Variants in SAMMSON observed in about 807,000 individuals in gnomAD.
The protein encoded by SAMMSON is survival associated mitochondrial melanoma specific oncogenic non-coding RNA.
chr3:70,154,480 T>TC (rs2067584161), intron 4 of SAMMSON, among the ~76,000 whole-genome samples: 1 of 151,960 alleles, frequency 6.6e-6, no homozygotes, highest in South Asian at 2.1e-4. Flanking sequence ...CATGTACCCC[T>TC]CCCACTAACA....
At chr3:70,199,719 T>G (rs1019105938) in intron 4 of SAMMSON, among the ~76,000 whole-genome samples, 1 of 152,180 alleles carries the variant, frequency 6.6e-6, no homozygotes, top group Non-Finnish European at 1.5e-5. Flanking sequence ...GAGCGTTGGA[T>G]TTCCTCTTGT....
downstream of SAMMSON, among the ~76,000 whole-genome samples, chr3:70,390,433 T>G (rs1308857817): frequency 6.6e-6 from 1 of 152,126 alleles, no homozygotes; most frequent in Non-Finnish European, 1.5e-5. Flanking sequence ...AATTGGCTCA[T>G]GGTTCTGCAG....
At chr3:70,401,643 T>C (rs982823223) in intron 2 of SAMMSON, among the ~76,000 whole-genome samples, 1 of 151,688 alleles carries the variant, frequency 6.6e-6, no homozygotes, top group Non-Finnish European at 1.5e-5. Flanking sequence ...TTTTCACTTT[T>C]TGCAATTCAA....
chr3:70,313,093 A>G (rs930011893), intron 7 of SAMMSON, among the ~76,000 whole-genome samples: 2 of 152,100 alleles, frequency 1.3e-5, no homozygotes, highest in Non-Finnish European at 2.9e-5. Flanking sequence ...GTTTTTTTTG[A>G]TCATCTGTAG....
intron 2 of SAMMSON, among the ~76,000 whole-genome samples, chr3:70,406,188 A>G (rs545600230): frequency 6.6e-6 from 1 of 152,336 alleles, no homozygotes; most frequent in Non-Finnish European, 1.5e-5. Flanking sequence ...TGTCATTTAA[A>G]ATAAACAAAT....
In SAMMSON at chr3:70,022,744, G is replaced by T. The variant is rs9814289; in HGVS notation, n.417+9072G>T. ...AATTCACTGATTCTCATCAAGTTTG[G>T]TGCACAGCTAAAGGGCCTAAGCCCT... On this transcript the variant is annotated intron_variant and non_coding_transcript_variant, in intron 3 of 9. Coordinates refer to ENST00000642114, the Ensembl canonical transcript of SAMMSON. Among the ~76,000 whole-genome samples, 764 of 152,258 alleles carry T rather than the reference G, an allele frequency of 5.0e-3. 4 individuals are homozygous for T. The highest frequency in any genetic ancestry group is 0.017 in the African/African-American group (720 of 41,562).
chr3:70,160,253 C>T (rs999741352), intron 4 of SAMMSON, among the ~76,000 whole-genome samples: 7 of 150,252 alleles, frequency 4.7e-5, no homozygotes, highest in South Asian at 2.1e-4. Context: ...TTTCTGTTTT[C>T]TTCTATAAGT....
chr3:70,002,705 T>G (rs2107573872), intron 1 of SAMMSON, among the ~76,000 whole-genome samples: 1 of 152,316 alleles, frequency 6.6e-6, no homozygotes, highest in East Asian at 1.9e-4. Flanking sequence ...ACTAATTTAG[T>G]TGCTAGAGGT....
rs1423065905 is a variant in SAMMSON at position 70,250,432 on chromosome 3, C to T, written n.674+762C>T. ...AATCTCACACACACACACACACACA[C>T]ACACACACACACACACACAAACACA... On this transcript the variant is annotated intron_variant and non_coding_transcript_variant, in intron 6 of 9. Transcript: ENST00000642114. Among the ~76,000 whole-genome samples, 7 of 151,718 alleles carry T rather than the reference C, an allele frequency of 4.6e-5. No individual in the cohort carries two copies. The South Asian group carries it at 6.2e-4, about 14-fold the overall frequency.
At chr3:70,118,242 T>G (rs1055224919) in intron 4 of SAMMSON, among the ~76,000 whole-genome samples, 9 of 152,162 alleles carry the variant, frequency 5.9e-5, no homozygotes, top group Admixed American at 2.0e-4. Flanking sequence ...TTTCTTAATA[T>G]GCACGGACAA....
intron 7 of SAMMSON, among the ~76,000 whole-genome samples, chr3:70,294,634 G>A (rs1328814771): frequency 3.9e-5 from 6 of 152,034 alleles, no homozygotes; most frequent in South Asian, 2.1e-4. Context: ...AACAGAAAAC[G>A]TCAACTCAAA....
intron 6 of SAMMSON, among the ~76,000 whole-genome samples, chr3:70,287,312 T>G (rs1288617786): frequency 6.9e-6 from 1 of 145,638 alleles, no homozygotes; most frequent in South Asian, 2.3e-4. Context: ...TCTATTGAGA[T>G]AATCATGTGG....
chr3:70,242,020 C>T lies in SAMMSON; in HGVS notation n.508-7087C>T, dbSNP rs377088621. 3.7e-4 allele frequency among the ~76,000 whole-genome samples: 57 copies of T among 152,270 alleles called. 2 individuals are homozygous for T. Among genetic ancestry groups the T allele is most frequent in the South Asian group, 4.1e-4 (2 of 4,824 alleles). On this transcript the variant is annotated intron_variant and non_coding_transcript_variant, in intron 4 of 9. Transcript: ENST00000642114. ...ACCAACACAGTTCTTCTGTGTGCAACGGCTGACTACACTATCTTTGATGCC... is the reference window on the plus strand; with the variant it reads ...ACCAACACAGTTCTTCTGTGTGCAATGGCTGACTACACTATCTTTGATGCC...
chr3:70,015,262 C>G (rs2066978124), intron 3 of SAMMSON: 1 of 151,984 alleles, frequency 6.6e-6, no homozygotes, highest in Admixed American at 6.5e-5. Context: ...GCTTGGGCGA[C>G]AGAGCGAGAC....
At chr3:70,007,491 G>A (rs1309181007) in intron 1 of SAMMSON, among the ~76,000 whole-genome samples, 1 of 152,004 alleles carries the variant, frequency 6.6e-6, no homozygotes, top group East Asian at 1.9e-4. Context: ...TGATGGGGCT[G>A]TTTGTTTTTT....
At chr3:70,225,961 T>C (rs2106740398) in intron 4 of SAMMSON, among the ~76,000 whole-genome samples, 1 of 152,234 alleles carries the variant, frequency 6.6e-6, no homozygotes, top group South Asian at 2.1e-4. Flanking sequence ...CTTACGTCAT[T>C]AACAATGTAG....
At position 70,078,916 on chromosome 3, in the gene SAMMSON, A is replaced by C. The variant is rs570154598; in HGVS notation, n.507+7351A>C. On this transcript the variant is annotated intron_variant and non_coding_transcript_variant, in intron 4 of 9. Coordinates refer to ENST00000642114, the Ensembl canonical transcript of SAMMSON. Reference sequence around the variant, plus strand: ...AAAATAATTAAATCACATCTATAACAGATGTTGGCAAAATACAATCCATGG... The same window carrying C: ...AAAATAATTAAATCACATCTATAACCGATGTTGGCAAAATACAATCCATGG... Among the ~76,000 whole-genome samples the C allele has an allele frequency of 2.6e-5, 4 of 152,320 alleles. No individual in the cohort carries two copies. In the South Asian group the frequency reaches 8.3e-4, roughly 32 times the overall value.
At chr3:70,356,631 T>C (rs1249068884) in intron 8 of SAMMSON, among the ~76,000 whole-genome samples, 5 of 152,202 alleles carry the variant, frequency 3.3e-5, no homozygotes, top group Admixed American at 2.6e-4. Context: ...TGTCCTTTTG[T>C]TTTTTAAACA....
intron 8 of SAMMSON, among the ~76,000 whole-genome samples, chr3:70,356,590 G>C (rs1702830993): frequency 6.6e-6 from 1 of 151,920 alleles, no homozygotes; most frequent in South Asian, 2.1e-4. Context: ...GGTCTTCCAT[G>C]GTTCCTCACT....
Sources: gnomAD v4.1 joint callset for allele counts (sites outside exome capture counted in the v4.1 genomes callset) on GRCh38, gnomAD v4.1.1 for gene constraint, MANE v1.5 for transcripts, NCBI Gene and HGNC (gene_info 2026-07-23, HGNC 2026-07-21) for gene names.